PLCB1: variants seen among roughly 807,000 people sequenced by gnomAD.
PLCB1 encodes the protein phospholipase C beta 1, also known as 1-phosphatidylinositol 4,5-bisphosphate phosphodiesterase beta-1.
Under a neutral mutation model 161.8 loss-of-function variants are expected in PLCB1, and 46 were observed. The observed-to-expected ratio is 0.28, with a 90% CI of 0.22 to 0.36. The LOEUF (loss-of-function observed/expected upper bound fraction) is 0.36. Among genes scored for constraint, PLCB1 ranks in the 10% least tolerant of loss-of-function variants. The pLI, the probability that PLCB1 is intolerant of heterozygous loss-of-function variation, is 1.00. For missense variants in PLCB1, 1,016 were observed against 1,472.5 expected (o/e 0.69, Z 5.07); for synonymous variants, 517 against 503.7 (o/e 1.03, Z -0.35).
At chr20:8,296,433 TA>T (rs1568621574) in intron 2 of PLCB1, among the ~76,000 whole-genome samples, 1 of 152,170 alleles carries the variant, frequency 6.6e-6, no homozygotes, top group Admixed American at 6.6e-5. Flanking sequence ...AGGACAAGTA[TA>T]TGCCCTCCAA....
chr20:8,220,417 T>A (rs57678397), intron 2 of PLCB1, among the ~76,000 whole-genome samples: 4,038 of 152,284 alleles, frequency 0.027, 196 homozygotes, highest in African/African-American at 0.09. Context: ...CTCAGAATGT[T>A]ACCTTATTTA....
At chr20:8,295,885 T>A (rs934348933) in intron 2 of PLCB1, among the ~76,000 whole-genome samples, 1 of 152,022 alleles carries the variant, frequency 6.6e-6, no homozygotes, top group East Asian at 1.9e-4. Context: ...GATTTTTTTC[T>A]ATTTTTTTGT....
chr20:8,301,022 C>G (rs1431902719), intron 2 of PLCB1, among the ~76,000 whole-genome samples: 1 of 152,144 alleles, frequency 6.6e-6, no homozygotes, highest in African/African-American at 2.4e-5. Flanking sequence ...TCACCCTGGA[C>G]CAGAGTCAGG....
chr20:8,417,853 T>C (rs1456737900), intron 3 of PLCB1, among the ~76,000 whole-genome samples: 1 of 152,340 alleles, frequency 6.6e-6, no homozygotes, highest in African/African-American at 2.4e-5. Context: ...TAGCAGGATG[T>C]CCTCTTGCAA....
chr20:8,868,424 A>C (rs947068691), intron 31 of PLCB1, among the ~76,000 whole-genome samples: 1 of 152,238 alleles, frequency 6.6e-6, no homozygotes, highest in Admixed American at 6.5e-5. Flanking sequence ...ACTTTTCAGT[A>C]AAAGACAATT....
chr20:8,331,219 A>G (rs767239759), intron 2 of PLCB1, among the ~76,000 whole-genome samples: 1 of 152,238 alleles, frequency 6.6e-6, no homozygotes, highest in Admixed American at 6.5e-5. Flanking sequence ...TGGTCTGAGG[A>G]CCCATTCTTA....
chr20:8,315,753 A>G (rs1984616914), intron 2 of PLCB1, among the ~76,000 whole-genome samples: 1 of 152,130 alleles, frequency 6.6e-6, no homozygotes, highest in Admixed American at 6.5e-5. Context: ...CAGCCAGCCA[A>G]GCCAAAATGA....
intron 2 of PLCB1, among the ~76,000 whole-genome samples, chr20:8,174,937 C>T (rs971569833): frequency 1.3e-5 from 2 of 151,838 alleles, no homozygotes; most frequent in Admixed American, 1.3e-4. Flanking sequence ...GGTGTGGTGA[C>T]ATGCGCCTGT....
At chr20:8,212,380 A>G (rs151082527) in intron 2 of PLCB1, among the ~76,000 whole-genome samples, 4 of 152,136 alleles carry the variant, frequency 2.6e-5, no homozygotes, top group South Asian at 2.1e-4. Flanking sequence ...ACCATTTTGT[A>G]TGCATTTTAT....
intron 31 of PLCB1, among the ~76,000 whole-genome samples, chr20:8,813,628 G>A (rs1190709383): frequency 6.6e-6 from 1 of 152,024 alleles, no homozygotes; most frequent in Admixed American, 6.6e-5. Context: ...CAAGGAAATC[G>A]AAATCAGCCT....
intron 3 of PLCB1, among the ~76,000 whole-genome samples, chr20:8,501,838 C>G (rs1983421490): frequency 7.3e-6 from 1 of 137,840 alleles, no homozygotes; most frequent in South Asian, 2.3e-4. Context: ...CGGTATGCCA[C>G]TATTTTTTTT....
At position 8,873,471 on chromosome 20, in the gene PLCB1, T is replaced by C. The variant is rs1050770369; in HGVS notation, c.3424-8151T>C. Among the ~76,000 whole-genome samples the C allele has an allele frequency of 4.6e-5, 7 of 152,274 alleles. No homozygotes were observed. In the South Asian group the frequency reaches 1.0e-3, roughly 23 times the overall value. ...TCCCACATTCAGAGTTCTACATTTT[T>C]CTTTTTTGTATTTTATAGAAATTAT... On this transcript the variant is annotated intron_variant, in intron 31 of 31. Transcript: ENST00000338037.
intron 11 of PLCB1, among the ~76,000 whole-genome samples, chr20:8,702,735 G>T (rs947157959): frequency 6.6e-6 from 1 of 152,114 alleles, no homozygotes; most frequent in Non-Finnish European, 1.5e-5. Context: ...GAGCATTACC[G>T]TACTTTCACA....
chr20:8,881,690 C>T lies in PLCB1; in HGVS notation c.3492C>T (p.Phe1164=), dbSNP rs1184688670. ...GACTGCCCCTCGAGATTTTGGAATT[C>T]GTGCAGGAAGCCATGAAAGGAAAGA... is the stretch of plus-strand genomic sequence containing the variant. The part of the protein sequence containing the change: ...FKRLPLEILE[F]VQEAMKGKIS... Residue 1164 remains phenylalanine (F), a synonymous_variant, in exon 32 of 32, where the codon TTC becomes TTT. Transcript: ENST00000338037. The T allele has an allele frequency of 1.9e-6, 3 of 1,613,838 alleles. No homozygotes were observed. Among genetic ancestry groups the T allele is most frequent in the Admixed American group, 1.7e-5 (1 of 59,990 alleles).
chr20:8,834,096 A>G (rs1986156685), intron 31 of PLCB1, among the ~76,000 whole-genome samples: 1 of 152,190 alleles, frequency 6.6e-6, no homozygotes, highest in African/African-American at 2.4e-5. Context: ...TTTATTGAGC[A>G]TGTACTATGT....
intron 2 of PLCB1, among the ~76,000 whole-genome samples, chr20:8,234,222 G>A (rs1255336451): frequency 6.6e-6 from 1 of 152,108 alleles, no homozygotes; most frequent in African/African-American, 2.4e-5. Context: ...AATAGATATT[G>A]CCAAATGGTT....
chr20:8,549,034 A>G (rs1468633670), intron 3 of PLCB1, among the ~76,000 whole-genome samples: 1 of 152,200 alleles, frequency 6.6e-6, no homozygotes, highest in Non-Finnish European at 1.5e-5. Flanking sequence ...ACATAAAACA[A>G]ATACCTAATA....
At chr20:8,227,120 G>A (rs1979739303) in intron 2 of PLCB1, among the ~76,000 whole-genome samples, 1 of 152,090 alleles carries the variant, frequency 6.6e-6, no homozygotes, top group South Asian at 2.1e-4. Context: ...GGGAAGGAAT[G>A]GGTACAGAGT....
At chr20:8,254,370 A>G (rs988409407) in intron 2 of PLCB1, among the ~76,000 whole-genome samples, 1 of 152,022 alleles carries the variant, frequency 6.6e-6, no homozygotes, top group African/African-American at 2.4e-5. Context: ...ACTTTCTGAT[A>G]TATTTGTTTC....
Sources: allele counts gnomAD v4.1 joint callset (sites outside exome capture counted in the v4.1 genomes callset), GRCh38; gene constraint gnomAD v4.1.1; transcripts MANE v1.5; gene names NCBI Gene and HGNC (gene_info 2026-07-23, HGNC 2026-07-21).